The following IGF2BP3 variants were observed in gnomAD, a reference collection of about 807,000 sequenced individuals.
IGF2BP3 encodes insulin-like growth factor 2 mRNA-binding protein 3.
A neutral mutation model predicts 73.8 loss-of-function variants in IGF2BP3; 9 were observed. The observed-to-expected ratio is 0.12, with a 90% CI of 0.07 to 0.21. IGF2BP3 has a LOEUF of 0.21. Among genes scored for constraint, IGF2BP3 ranks in the 10% least tolerant of loss-of-function variants. The probability of loss-of-function intolerance (pLI) is 1.00; values close to 1 mark genes in which losing one functional copy is unlikely to be tolerated. For missense variants in IGF2BP3, 542 were observed against 714.0 expected (o/e 0.76, Z 2.75); for synonymous variants, 258 against 256.7 (o/e 1.01, Z -0.05).
At chr7:23,421,605 T>C (rs925993831) in intron 2 of IGF2BP3, among the ~76,000 whole-genome samples, 2 of 150,300 alleles carry the variant, frequency 1.3e-5, no homozygotes, top group Non-Finnish European at 3.0e-5. Context: ...GGCAGGAGAA[T>C]TGCTTGACCT....
intron 6 of IGF2BP3, 141 bp downstream of exon 6, chr7:23,351,164 G>A: frequency 4.8e-6 from 4 of 839,812 alleles, no homozygotes; most frequent in Non-Finnish European, 7.3e-6. Context: ...GATACTGCAA[G>A]ATTTTTACAC....
At chr7:23,325,287 CAGAG>C (rs1409220530) in intron 10 of IGF2BP3, among the ~76,000 whole-genome samples, 3 of 152,042 alleles carry the variant, frequency 2.0e-5, no homozygotes, top group Non-Finnish European at 4.4e-5. Flanking sequence ...AACAGACAAA[CAGAG>C]AGCCAAATCA....
At chr7:23,313,842 C>T (rs972675767) in intron 12 of IGF2BP3, among the ~76,000 whole-genome samples, 189 bp from the exon 13 acceptor site, 2 of 152,174 alleles carry the variant, frequency 1.3e-5, no homozygotes, top group Non-Finnish European at 2.9e-5. Context: ...AACTACTGCC[C>T]ATCACAGTAG....
intron 3 of IGF2BP3, among the ~76,000 whole-genome samples, chr7:23,384,088 T>G (rs1583969957): frequency 9.9e-6 from 1 of 100,984 alleles, no homozygotes; most frequent in Non-Finnish European, 1.8e-5. Flanking sequence ...AGAGCAAGAC[T>G]CCATCTCAAA....
chr7:23,461,045 TA>T (rs2128551401), intron 2 of IGF2BP3, among the ~76,000 whole-genome samples: 1 of 152,234 alleles, frequency 6.6e-6, no homozygotes, highest in East Asian at 1.9e-4. Flanking sequence ...CCAAAATTTG[TA>T]AATCGTTCTC....
At chr7:23,434,319 C>T (rs1280525736) in intron 2 of IGF2BP3, among the ~76,000 whole-genome samples, 12 of 152,070 alleles carry the variant, frequency 7.9e-5, no homozygotes, top group South Asian at 2.1e-4. Context: ...TGTTTTTGTT[C>T]GTGGGAAAGT....
chr7:23,319,555 T>C lies in IGF2BP3; in HGVS notation c.1204-301A>G, dbSNP rs186868028. ...GTTGTAAAGTTTAATCATATTAGAA[T>C]AGCGGGACATGCTTGCATTAAAAAT... On this transcript the variant is annotated intron_variant, in intron 10 of 14. Coordinates refer to ENST00000258729, the MANE Select transcript of IGF2BP3 (RefSeq NM_006547.3). Among the ~76,000 whole-genome samples the C allele has an allele frequency of 7.4e-4, 113 of 151,978 alleles. 1 individual carries two copies. The highest frequency in any genetic ancestry group is 2.3e-3 in the African/African-American group (96 of 41,528).
intron 2 of IGF2BP3, chr7:23,431,181 T>C (rs1787666097): frequency 6.6e-6 from 1 of 152,232 alleles, no homozygotes; most frequent in Non-Finnish European, 1.5e-5. Context: ...TGATGAGCAC[T>C]GGCTGGTAGA....
chr7:23,343,731 A>G lies in IGF2BP3; in HGVS notation c.1064T>C (p.Ile355Thr), dbSNP rs1583911470. 1.9e-6 allele frequency: 3 copies of G among 1,611,520 alleles called. No homozygotes were observed. Among genetic ancestry groups the G allele is most frequent in the South Asian group, 2.2e-5 (2 of 90,998 alleles). The change falls in exon 9 of 15, where the codon ATT (isoleucine) becomes ACT (threonine). Residue 355 changes from isoleucine (I) to threonine (T), a missense_variant. Physicochemically the swap from Ile to Thr is moderately conservative, Grantham distance 89. Transcript: ENST00000258729. ...AACAAAACTAACATTCATAGAAGCA[A>G]TATCATTTTCATAAGACTCCCTGAT... The part of the protein sequence containing the change: ...KKIRESYEND[I>T]ASMNLQAHLI...
intron 3 of IGF2BP3, among the ~76,000 whole-genome samples, chr7:23,417,130 C>G (rs773709048): frequency 1.3e-5 from 2 of 152,118 alleles, no homozygotes; most frequent in Non-Finnish European, 2.9e-5. Context: ...TTCCCTCAAG[C>G]CTTTAAGGAA....
chr7:23,441,560 G>A (rs1191861620), intron 2 of IGF2BP3, among the ~76,000 whole-genome samples: 1 of 119,042 alleles, frequency 8.4e-6, no homozygotes, highest in African/African-American at 3.2e-5. Flanking sequence ...GGACAAGAGT[G>A]AGACTCCATC....
chr7:23,378,155 A>G (rs1785786144), intron 3 of IGF2BP3, among the ~76,000 whole-genome samples: 1 of 152,174 alleles, frequency 6.6e-6, no homozygotes, highest in East Asian at 1.9e-4. Flanking sequence ...ACAGGATATA[A>G]AATTATACAT....
chr7:23,411,225 G>C (rs1192780535), intron 3 of IGF2BP3, among the ~76,000 whole-genome samples: 3 of 152,206 alleles, frequency 2.0e-5, no homozygotes, highest in African/African-American at 4.8e-5. Context: ...TGTTTCTACA[G>C]ATGTTTTCTT....
At chr7:23,468,171 T>C (rs547678064) in intron 2 of IGF2BP3, among the ~76,000 whole-genome samples, 59 of 152,288 alleles carry the variant, frequency 3.9e-4, no homozygotes, top group African/African-American at 1.4e-3. Context: ...CCCAAACTGC[T>C]TGTTGGGACC....
intron 9 of IGF2BP3, 67 bp from the exon 10 acceptor site, chr7:23,342,256 G>C (rs1784732346): frequency 1.9e-6 from 3 of 1,555,652 alleles, no homozygotes; most frequent in Non-Finnish European, 2.7e-6. Context: ...GCATTTTTAA[G>C]TGACAGTATT....
In IGF2BP3 at chr7:23,311,455, A is replaced by G. The variant is rs1783826282; in HGVS notation, c.*907T>C. 6.6e-6 allele frequency: 1 copy of G among 152,610 alleles called. No individual in the cohort carries two copies. Among genetic ancestry groups the G allele is most frequent in the South Asian group, 2.1e-4 (1 of 4,828 alleles). The allele number at this position is 152,610 out of a possible 1,614,324, so 9.5% of individuals were successfully genotyped here. On this transcript the variant is annotated 3_prime_UTR_variant, in exon 15 of 15. Coordinates refer to ENST00000258729, the MANE Select transcript of IGF2BP3 (RefSeq NM_006547.3). ...GAAGCCATTTAAACCAGCCGTTCCA[A>G]AATCTCCTGCGACCACTTTGTTAGT... is the stretch of plus-strand genomic sequence containing the variant.
At chr7:23,403,696 C>T (rs1786739330) in intron 3 of IGF2BP3, among the ~76,000 whole-genome samples, 1 of 152,202 alleles carries the variant, frequency 6.6e-6, no homozygotes, top group African/African-American at 2.4e-5. Flanking sequence ...CTAATTCAGC[C>T]AATGGTAGCT....
At chr7:23,348,526 T>C (rs1784885662) in intron 6 of IGF2BP3, among the ~76,000 whole-genome samples, 1 of 152,228 alleles carries the variant, frequency 6.6e-6, no homozygotes, top group Admixed American at 6.5e-5. Flanking sequence ...TAACATCTAC[T>C]CCTGGTAACA....
intron 2 of IGF2BP3, among the ~76,000 whole-genome samples, chr7:23,446,381 G>C (rs891655674): frequency 1.4e-4 from 21 of 152,098 alleles, no homozygotes; most frequent in African/African-American, 5.1e-4. Flanking sequence ...GGCCAACATG[G>C]TGAAACCTCA....
Sources: allele counts gnomAD v4.1 joint callset (sites outside exome capture counted in the v4.1 genomes callset), GRCh38; gene constraint gnomAD v4.1.1; transcripts MANE v1.5; gene names NCBI Gene and HGNC (gene_info 2026-07-23, HGNC 2026-07-21).